The following MAP3K9 variants were observed in gnomAD, a reference collection of about 807,000 sequenced individuals.
MAP3K9 encodes mixed lineage kinase 1 (tyr and ser/thr specificity).
Under a neutral mutation model 95.8 loss-of-function variants are expected in MAP3K9, and 46 were observed. The observed-to-expected ratio is 0.48, with a 90% confidence interval of 0.38 to 0.61. The LOEUF is 0.61. Ranked by LOEUF, MAP3K9 falls within the 20% of genes least tolerant of loss-of-function variation. The pLI is 0.00. For synonymous variants in MAP3K9, 533 were observed against 593.8 expected (o/e 0.90, Z 1.49); for missense variants, 1,296 against 1,474.3 (o/e 0.88, Z 1.98).
chr14:70,754,423 C>T (rs1168511528), intron 3 of MAP3K9, among the ~76,000 whole-genome samples: 1 of 152,114 alleles, frequency 6.6e-6, no homozygotes, highest in Non-Finnish European at 1.5e-5. Context: ...CTTTCCCTAT[C>T]TTTTCTTTCT....
intron 1 of MAP3K9, among the ~76,000 whole-genome samples, chr14:70,807,097 T>G (rs184378062): frequency 1.3e-5 from 2 of 152,244 alleles, no homozygotes; most frequent in African/African-American, 4.8e-5. Flanking sequence ...ACCTAAAGAT[T>G]TGAACATCGA....
chr14:70,758,534 A>G (rs1386406660), intron 3 of MAP3K9, among the ~76,000 whole-genome samples: 1 of 152,244 alleles, frequency 6.6e-6, no homozygotes, highest in Non-Finnish European at 1.5e-5. Flanking sequence ...TGATTCAGCA[A>G]TTCCACTCCT....
chr14:70,746,515 C>T (rs1045742100), intron 5 of MAP3K9, among the ~76,000 whole-genome samples: 3 of 152,164 alleles, frequency 2.0e-5, no homozygotes, highest in Admixed American at 6.5e-5. Context: ...AGCCTTATAA[C>T]AGGGAGGCAT....
chr14:70,736,612 G>A (rs1289325377), intron 8 of MAP3K9, among the ~76,000 whole-genome samples: 5 of 152,158 alleles, frequency 3.3e-5, no homozygotes, highest in Non-Finnish European at 5.9e-5. Context: ...ATTTTGCAAT[G>A]TGAAATAAAG....
intron 5 of MAP3K9, among the ~76,000 whole-genome samples, chr14:70,743,577 T>C (rs1015059716): frequency 6.6e-6 from 1 of 150,812 alleles, no homozygotes; most frequent in Non-Finnish European, 1.5e-5. Context: ...AAAGAAGACA[T>C]TTATGCAGCC....
intron 4 of MAP3K9, 84 bp from the exon 5 acceptor site, chr14:70,749,088 C>T: frequency 7.7e-7 from 1 of 1,305,730 alleles, no homozygotes; most frequent in Non-Finnish European, 1.1e-6. Context: ...GGCCTCACTT[C>T]CCAGAAAACT....
At chr14:70,759,656 A>C (rs1335169579) in intron 3 of MAP3K9, among the ~76,000 whole-genome samples, 3 of 152,222 alleles carry the variant, frequency 2.0e-5, no homozygotes, top group Non-Finnish European at 2.9e-5. Flanking sequence ...CTGTTGCTTT[A>C]AGCCACTAGG....
intron 2 of MAP3K9, among the ~76,000 whole-genome samples, chr14:70,798,474 T>G (rs1448613292): frequency 8.0e-6 from 1 of 125,114 alleles, no homozygotes; most frequent in African/African-American, 3.2e-5. Flanking sequence ...ACCAAAAGTT[T>G]TTTTTTTTTT....
intron 1 of MAP3K9, among the ~76,000 whole-genome samples, chr14:70,804,860 A>G (rs1487186338): frequency 6.6e-6 from 1 of 152,212 alleles, no homozygotes; most frequent in Non-Finnish European, 1.5e-5. Context: ...TGACTCCAAG[A>G]AAAGTATAGA....
chr14:70,809,152 A>G lies in MAP3K9; in HGVS notation c.20T>C (p.Leu7Pro). The G allele has an allele frequency of 2.2e-6, 3 of 1,366,564 alleles. No individual in the cohort carries two copies. The highest frequency in any genetic ancestry group is 2.8e-6 in the Non-Finnish European group (3 of 1,068,068). 84.7% of individuals were successfully genotyped at this position (1,366,564 alleles called of 1,614,324 possible). Reference protein sequence around the residue: MEPSRALLGCLASAAAA... With the variant: MEPSRAPLGCLASAAAA... The stretch of plus-strand genomic sequence containing the variant: ...GGCGGCGCTCGCTAGGCAGCCGAGA[A>G]GCGCTCTGGAGGGCTCCATGGAGCG... Residue 7 changes from leucine to proline, a missense_variant, in exon 1 of 12, where the codon CTT becomes CCT. Leu to Pro is a moderately conservative substitution (Grantham distance 98). Transcript: ENST00000554752.
At chr14:70,765,261 C>G (rs924388396) in intron 2 of MAP3K9, among the ~76,000 whole-genome samples, 1 of 152,136 alleles carries the variant, frequency 6.6e-6, no homozygotes, top group African/African-American at 2.4e-5. Flanking sequence ...ACTTGGGAAG[C>G]AGAGGTTGCA....
intron 5 of MAP3K9, among the ~76,000 whole-genome samples, chr14:70,747,868 G>C (rs766441874): frequency 7.2e-5 from 11 of 152,066 alleles, no homozygotes; most frequent in African/African-American, 1.2e-4. Context: ...CAGCCCTTTG[G>C]GAGGCCGAGG....
chr14:70,779,486 G>C (rs2054645532), intron 2 of MAP3K9, among the ~76,000 whole-genome samples: 1 of 152,172 alleles, frequency 6.6e-6, no homozygotes, highest in Non-Finnish European at 1.5e-5. Flanking sequence ...ATGAGTCCTA[G>C]GAAATCTCTC....
At chr14:70,769,284 C>T (rs557860174) in intron 2 of MAP3K9, among the ~76,000 whole-genome samples, 36 of 152,298 alleles carry the variant, frequency 2.4e-4, no homozygotes, top group Admixed American at 2.2e-3. Flanking sequence ...ATAATCCCAT[C>T]CGGTCCCTTT....
In MAP3K9 at chr14:70,732,619, G is replaced by A. The variant is rs1419510662; in HGVS notation, c.2750C>T (p.Ser917Phe). 3.1e-6 allele frequency: 5 copies of A among 1,607,132 alleles called. No homozygotes were observed. Among genetic ancestry groups the A allele is most frequent in the Non-Finnish European group, 4.3e-6 (5 of 1,176,348 alleles). ...AGTCTCTGGCTTAAGGGCCCCATCA[G>A]AAGGAGTCCGCCGGTGACTGCTGGG... Reference protein sequence around the residue: ...SQPSSHRRTPSDGALKPETLL... With the variant: ...SQPSSHRRTPFDGALKPETLL... The change falls in exon 11 of 12, where the codon TCT (serine) becomes TTT (phenylalanine). Residue 917 changes from serine to phenylalanine, a missense_variant. Physicochemically the swap from Ser to Phe is radical, Grantham distance 155 (BLOSUM62 -2). Transcript: ENST00000554752.
upstream of MAP3K9, chr14:70,809,513 C>CGCCGT (rs1404255094): frequency 1.2e-5 from 2 of 163,658 alleles, no homozygotes; most frequent in African/African-American, 4.8e-5. Flanking sequence ...CTCCTCTCCG[C>CGCCGT]GCCGTGCCGT....
Position 70,748,977 on chromosome 14 carries a change from C to T in MAP3K9, c.1178G>A (p.Arg393Gln), listed in dbSNP as rs2054188575. The T allele has an allele frequency of 6.2e-7, 1 of 1,613,698 alleles. No individual in the cohort carries two copies. Among genetic ancestry groups the T allele is most frequent in the Non-Finnish European group, 8.5e-7 (1 of 1,179,904 alleles). The change falls in exon 5 of 12, where the codon CGA (arginine) becomes CAA (glutamine). Residue 393 changes from arginine (R) to glutamine (Q), a missense_variant. Physicochemically the swap from Arg to Gln is conservative, Grantham distance 43 (BLOSUM62 1). This residue lies in a region of MAP3K9 where 136 missense variants were observed against 221.5 expected (regional missense o/e 0.61). Coordinates refer to ENST00000554752, the MANE Select transcript of MAP3K9 (RefSeq NM_001284230.2). ...GTCCAGGATATTCGTGAAAGATGGT[C>T]GTGAGTGGGGATCAGGATTCCAGCA... ...EDCWNPDPHS[R>Q]PSFTNILDQL...
Position 70,729,016 on chromosome 14 carries a change from A to G in MAP3K9, c.*1364T>C, listed in dbSNP as rs1235862886. On this transcript the variant is annotated 3_prime_UTR_variant, in exon 12 of 12. Transcript: ENST00000554752. ...GAGAAAGCTTTAGAGGAAGCTCAACATTCAAGTTAAGGAAACAACTTCCAG... is the reference window on the plus strand; with the variant it reads ...GAGAAAGCTTTAGAGGAAGCTCAACGTTCAAGTTAAGGAAACAACTTCCAG... 6.6e-6 allele frequency: 1 copy of G among 152,274 alleles called. No individual in the cohort carries two copies. Among genetic ancestry groups the G allele is most frequent in the African/African-American group, 2.4e-5 (1 of 41,436 alleles). The allele number at this position is 152,274 out of a possible 1,614,324, so 9.4% of individuals were successfully genotyped here.
chr14:70,733,358 G>T lies in MAP3K9; in HGVS notation c.2027-16C>A. On this transcript the variant is annotated splice_polypyrimidine_tract_variant and intron_variant, in intron 10 of 11. Transcript: ENST00000554752. ...TCCTCATCCTCTGTGAAGATGACAAGAGTGGAAGAGAAACAGGAAATGGAA... is the reference window on the plus strand; with the variant it reads ...TCCTCATCCTCTGTGAAGATGACAATAGTGGAAGAGAAACAGGAAATGGAA... The T allele has an allele frequency of 9.0e-7, 1 of 1,106,318 alleles. No individual in the cohort carries two copies. The allele number at this position is 1,106,318 out of a possible 1,614,324, so 68.5% of individuals were successfully genotyped here.
Sources: allele counts gnomAD v4.1 joint callset (sites outside exome capture counted in the v4.1 genomes callset), GRCh38; gene constraint gnomAD v4.1.1; regional missense constraint gnomAD v4.1.1; transcripts MANE v1.5; gene names NCBI Gene and HGNC (gene_info 2026-07-23, HGNC 2026-07-21).